The following SAP30 variants were observed in gnomAD, a reference collection of about 807,000 sequenced individuals.
The protein encoded by SAP30 is Sin3A associated protein 30, also known as histone deacetylase complex subunit SAP30.
Under a neutral mutation model 19.6 loss-of-function variants are expected in SAP30, and 13 were observed. The ratio of observed to expected loss-of-function variants is 0.66; its 90% confidence interval spans 0.43 to 1.05. The LOEUF (loss-of-function observed/expected upper bound fraction) is 1.05. Among genes scored for constraint, SAP30 ranks in the 50% least tolerant of loss-of-function variants. SAP30 has a pLI of 0.00. For synonymous variants in SAP30, 108 were observed against 122.7 expected (o/e 0.88, Z 0.79); for missense variants, 257 against 292.1 (o/e 0.88, Z 0.88).
chr4:173,377,480 T>A lies in SAP30; in HGVS notation c.*153T>A, dbSNP rs1450784833. The A allele has an allele frequency of 3.1e-6, 2 of 639,226 alleles. No homozygotes were observed. Among genetic ancestry groups the A allele is most frequent in the Admixed American group, 7.0e-5 (2 of 28,650 alleles). The allele number at this position is 639,226 out of a possible 1,614,324, so 39.6% of individuals were successfully genotyped here. Reference sequence around the variant, plus strand: ...TCTAATAATTAGTTGGAAACTCATATAAAATGAGCTTTCCTAAATTAAATC... The same window carrying A: ...TCTAATAATTAGTTGGAAACTCATAAAAAATGAGCTTTCCTAAATTAAATC... On this transcript the variant is annotated 3_prime_UTR_variant, in exon 4 of 4. Coordinates refer to ENST00000296504, the MANE Select transcript of SAP30 (RefSeq NM_003864.4).
At position 173,373,436 on chromosome 4, in the gene SAP30, G is replaced by A. The variant is rs1328210708; in HGVS notation, c.362G>A (p.Ser121Asn). The change falls in exon 2 of 4, where the codon AGT (serine) becomes AAT (asparagine). Residue 121 changes from serine (S) to asparagine (N), a missense_variant. By Grantham distance (46) the Ser-to-Asn change is conservative. Coordinates refer to ENST00000296504, the MANE Select transcript of SAP30 (RefSeq NM_003864.4). ...ICDYHKNLIQ[S>N]VRNRRKRKGS... The stretch of plus-strand genomic sequence containing the variant: ...GATTATCATAAAAACTTAATTCAGA[G>A]TGTTCGAAACAGAAGAAAGAGAAAA... The A allele has an allele frequency of 6.2e-7, 1 of 1,612,152 alleles. No individual in the cohort carries two copies. The highest frequency in any genetic ancestry group is 1.3e-5 in the African/African-American group (1 of 74,808).
chr4:173,376,568 CATTT>C (rs1293645161), intron 3 of SAP30, among the ~76,000 whole-genome samples: 3 of 152,066 alleles, frequency 2.0e-5, no homozygotes, highest in African/African-American at 7.2e-5. Context: ...AAAGTAAAAT[CATTT>C]ATTCCCTATT....
chr4:173,377,443 T>C lies in SAP30; in HGVS notation c.*116T>C. ...GAGGATTTTCTCTGATTTTATTTTC[T>C]TTGTTTCTGACTCTAATAATTAGTT... On this transcript the variant is annotated 3_prime_UTR_variant, in exon 4 of 4. Coordinates refer to ENST00000296504, the MANE Select transcript of SAP30 (RefSeq NM_003864.4). The C allele has an allele frequency of 9.6e-7, 1 of 1,040,244 alleles. No individual in the cohort carries two copies. Among genetic ancestry groups the C allele is most frequent in the Non-Finnish European group, 1.4e-6 (1 of 722,794 alleles). The allele number at this position is 1,040,244 out of a possible 1,614,324, so 64.4% of individuals were successfully genotyped here.
chr4:173,377,306 G>T lies in SAP30; in HGVS notation c.642G>T (p.Lys214Asn). ...VKNDKNKSDL[K>N]VDSGVH ...ATGACAAGAACAAATCAGATCTCAA[G>T]GTTGATAGTGGTGTTCACTAGGAGA... Residue 214 changes from lysine to asparagine, a missense_variant, in exon 4 of 4, where the codon AAG (lysine) becomes AAT (asparagine). Transcript: ENST00000296504. The T allele has an allele frequency of 6.2e-7, 1 of 1,604,208 alleles. No homozygotes were observed. The highest frequency in any genetic ancestry group is 8.5e-7 in the Non-Finnish European group (1 of 1,176,678).
intron 1 of SAP30, among the ~76,000 whole-genome samples, chr4:173,372,202 C>T (rs1033684225): frequency 6.6e-6 from 1 of 152,216 alleles, no homozygotes; most frequent in Non-Finnish European, 1.5e-5. Context: ...TTAGAAACAG[C>T]CGTTGCTACT....
chr4:173,371,466 A>G lies in SAP30; in HGVS notation c.284A>G (p.Gln95Arg), dbSNP rs765741886. 1 of 1,589,796 alleles carries G rather than the reference A, an allele frequency of 6.3e-7. No homozygotes were observed. Residue 95 changes from glutamine to arginine, a missense_variant, in exon 1 of 4, where the codon CAG (glutamine) becomes CGG (arginine). By Grantham distance (43) the Gln-to-Arg change is conservative. Transcript: ENST00000296504. The surrounding 1 kb of genome is among the most constrained non-coding windows in gnomAD (Gnocchi z 6.4). ...FSKRIQKSIS[Q>R]KKVKIELDKS... ...AAGAGGATCCAGAAGAGCATCTCCCAGAAGAAGGTGAAGATCGAGCTGGAT... is the reference window on the plus strand; with the variant it reads ...AAGAGGATCCAGAAGAGCATCTCCCGGAAGAAGGTGAAGATCGAGCTGGAT...
In SAP30 at chr4:173,371,349, C is replaced by G. The variant is rs1259751908; in HGVS notation, c.167C>G (p.Pro56Arg). ...GGGGCGGTCTCAGCGGCTGGGCCCC[C>G]GGGGGCGGCCGGGCCGGGCCCCGGG... ...GAGAVSAAGPPGAAGPGPGQL... is the reference protein window; with the variant it reads ...GAGAVSAAGPRGAAGPGPGQL... The change falls in exon 1 of 4, where the codon CCG (proline) becomes CGG (arginine). Residue 56 changes from proline (P) to arginine (R), a missense_variant. Coordinates refer to ENST00000296504, the MANE Select transcript of SAP30 (RefSeq NM_003864.4). The surrounding 1 kb of genome is among the most constrained non-coding windows in gnomAD (Gnocchi z 6.4). 5.4e-6 allele frequency: 8 copies of G among 1,470,294 alleles called. No individual in the cohort carries two copies. Among genetic ancestry groups the G allele is most frequent in the Non-Finnish European group, 6.3e-6 (7 of 1,119,254 alleles). 91.1% of individuals were successfully genotyped at this position (1,470,294 alleles called of 1,614,324 possible).
Position 173,373,520 on chromosome 4 carries a change from A to G in SAP30, c.441+5A>G, listed in dbSNP as rs1738986924. ...CAAGATATTGATACCCCAGAGGTAG[A>G]TGGAAGTTTTTTATGCTTAATGTAA... On this transcript the variant is annotated splice_donor_5th_base_variant and intron_variant, in intron 2 of 3. Coordinates refer to ENST00000296504, the MANE Select transcript of SAP30 (RefSeq NM_003864.4). 1 of 1,592,854 alleles carries G rather than the reference A, an allele frequency of 6.3e-7. No homozygotes were observed. Among genetic ancestry groups the G allele is most frequent in the Non-Finnish European group, 8.5e-7 (1 of 1,171,512 alleles).
chr4:173,372,240 A>ATCG, intron 1 of SAP30, among the ~76,000 whole-genome samples: 1 of 152,360 alleles, frequency 6.6e-6, no homozygotes, highest in Non-Finnish European at 1.5e-5. Context: ...GCGGTAAATG[A>ATCG]ATAACATGGT....
At position 173,373,368 on chromosome 4, in the gene SAP30, G is replaced by A. The variant is rs147584094; in HGVS notation, c.316-22G>A. On this transcript the variant is annotated intron_variant, in intron 1 of 3. Coordinates refer to ENST00000296504, the MANE Select transcript of SAP30 (RefSeq NM_003864.4). ...ACATTTTACTGTAATCATAAGCAGT[G>A]TGTAAAACTTTTCTGTTTCAGGCAA... 786 of 1,593,266 alleles carry A rather than the reference G, an allele frequency of 4.9e-4. 5 individuals carry two copies. In the African/African-American group the frequency reaches 9.6e-3, roughly 19 times the overall value.
intron 3 of SAP30, among the ~76,000 whole-genome samples, chr4:173,376,034 C>T (rs1739030496): frequency 6.6e-6 from 1 of 152,150 alleles, no homozygotes; most frequent in South Asian, 2.1e-4. Flanking sequence ...TCAATCTGTG[C>T]AAAAATTGCC....
rs775495009 is a variant in SAP30, at chr4:173,371,423, G to A, written c.241G>A (p.Gly81Ser). 6.3e-6 allele frequency: 10 copies of A among 1,592,146 alleles called. No homozygotes were observed. The South Asian group carries it at 1.1e-4, about 17-fold the overall frequency. Residue 81 changes from glycine to serine, a missense_variant, in exon 1 of 4, where the codon GGC becomes AGC. Physicochemically the swap from Gly to Ser is moderately conservative, Grantham distance 56. Transcript: ENST00000296504. This position sits in a 1 kb window ranked among gnomAD's most constrained non-coding sequence, Gnocchi z 6.4. ...EDGERCGRAAGNASFSKRIQK... is the reference protein window; with the variant it reads ...EDGERCGRAASNASFSKRIQK... ...TGGTGAGCGGTGCGGCCGGGCGGCA[G>A]GCAACGCCAGCTTCAGCAAGAGGAT...
chr4:173,376,975 T>C (rs1418894720), intron 3 of SAP30, among the ~76,000 whole-genome samples: 1 of 152,164 alleles, frequency 6.6e-6, no homozygotes, highest in African/African-American at 2.4e-5. Context: ...AATCAATGTA[T>C]ATTAAATTGA....
intron 2 of SAP30, 135 bp downstream of exon 2, chr4:173,373,650 C>A: frequency 2.3e-6 from 2 of 887,062 alleles, no homozygotes; most frequent in Non-Finnish European, 3.3e-6. Flanking sequence ...TTAAATATAG[C>A]CAGTTGACAT....
In SAP30 at chr4:173,371,162, C is replaced by A; in HGVS notation, c.-21C>A. On this transcript the variant is annotated 5_prime_UTR_variant, in exon 1 of 4. Transcript: ENST00000296504. The surrounding 1 kb of genome is among the most constrained non-coding windows in gnomAD (Gnocchi z 6.4). ...GGAGAGAGGGGATTTCTGTCAGCGCCGGCCTCGGGAGCTCGGAGACATGAA... is the reference window on the plus strand; with the variant it reads ...GGAGAGAGGGGATTTCTGTCAGCGCAGGCCTCGGGAGCTCGGAGACATGAA... The A allele has an allele frequency of 1.4e-6, 2 of 1,458,534 alleles. No homozygotes were observed. Among genetic ancestry groups the A allele is most frequent in the South Asian group, 1.2e-5 (1 of 81,982 alleles). The allele number at this position is 1,458,534 out of a possible 1,614,324, so 90.3% of individuals were successfully genotyped here. A position where few individuals can be genotyped will look rare whatever the true frequency, so the allele number is the denominator to read the frequency against.
intron 1 of SAP30, among the ~76,000 whole-genome samples, chr4:173,372,463 A>T (rs909530626): frequency 2.0e-5 from 3 of 152,210 alleles, no homozygotes; most frequent in Admixed American, 1.3e-4. Flanking sequence ...TCTTCAGGTG[A>T]ACTTGCATAA....
intron 1 of SAP30, among the ~76,000 whole-genome samples, chr4:173,372,072 G>A (rs1259924439): frequency 6.6e-6 from 1 of 152,254 alleles, no homozygotes; most frequent in Non-Finnish European, 1.5e-5. Flanking sequence ...CGTTTGCGCT[G>A]TCAGCTCCGA....
At chr4:173,375,118 T>G (rs890300032) in intron 3 of SAP30, among the ~76,000 whole-genome samples, 5 of 151,388 alleles carry the variant, frequency 3.3e-5, no homozygotes, top group African/African-American at 9.7e-5. Flanking sequence ...TGAGTCACCA[T>G]GGGCAACATA....
chr4:173,371,203 C>T lies in SAP30; in HGVS notation c.21C>T (p.Asp7=), dbSNP rs767690430. Residue 7 remains aspartate, a synonymous_variant, in exon 1 of 4, where the codon GAC becomes GAT. Coordinates refer to ENST00000296504, the MANE Select transcript of SAP30 (RefSeq NM_003864.4). The surrounding 1 kb of genome is among the most constrained non-coding windows in gnomAD (Gnocchi z 6.4). MNGFTP[D]EMSRGGDAAA... Reference sequence around the variant, plus strand: ...GAGACATGAACGGCTTCACGCCTGACGAGATGAGCCGCGGCGGGGATGCGG... The same window carrying T: ...GAGACATGAACGGCTTCACGCCTGATGAGATGAGCCGCGGCGGGGATGCGG... 2.0e-6 allele frequency: 3 copies of T among 1,477,420 alleles called. No homozygotes were observed. Among genetic ancestry groups the T allele is most frequent in the Non-Finnish European group, 2.7e-6 (3 of 1,119,330 alleles). The allele number at this position is 1,477,420 out of a possible 1,614,324, so 91.5% of individuals were successfully genotyped here.
Sources: allele counts gnomAD v4.1 joint callset (sites outside exome capture counted in the v4.1 genomes callset), GRCh38; gene constraint gnomAD v4.1.1; non-coding constraint Gnocchi (gnomAD v3.1); transcripts MANE v1.5; gene names NCBI Gene and HGNC (gene_info 2026-07-23, HGNC 2026-07-21).